Variants in METTL15 observed in about 807,000 individuals in gnomAD.
METTL15 encodes 12S rRNA N(4)-cytidine methyltransferase METTL15.
A neutral mutation model predicts 38.3 loss-of-function variants in METTL15; 34 were observed. The observed-to-expected ratio is 0.89, with a 90% CI of 0.68 to 1.18. The LOEUF is 1.18. METTL15 is among the 50% of genes most tolerant of loss of function. METTL15 has a pLI of 0.00. For missense variants in METTL15, 438 were observed against 498.4 expected, an observed-to-expected ratio of 0.88 and a Z score of 1.15; for synonymous variants, 162 against 170.9, an observed-to-expected ratio of 0.95 and a Z score of 0.41.
At chr11:28,493,934 G>A (rs1028519805) in intron 6 of METTL15, among the ~76,000 whole-genome samples, 2 of 152,202 alleles carry the variant, frequency 1.3e-5, no homozygotes, top group Non-Finnish European at 1.5e-5. Context: ...GAGAGAACTA[G>A]GACAGCCTCA....
chr11:28,118,274 C>T (rs1203007718), intron 3 of METTL15, among the ~76,000 whole-genome samples: 1 of 152,114 alleles, frequency 6.6e-6, no homozygotes, highest in Non-Finnish European at 1.5e-5. Context: ...AGCTAGTTTA[C>T]TACCTATGTA....
chr11:28,219,963 T>G (rs1853113355), intron 4 of METTL15, among the ~76,000 whole-genome samples: 1 of 152,130 alleles, frequency 6.6e-6, no homozygotes, highest in African/African-American at 2.4e-5. Flanking sequence ...CATTTGCTGA[T>G]GAGTGCTTTA....
intron 4 of METTL15, among the ~76,000 whole-genome samples, chr11:28,217,973 A>G (rs1323070903): frequency 6.6e-6 from 1 of 152,028 alleles, no homozygotes; most frequent in African/African-American, 2.4e-5. Context: ...CTTGTAGTGT[A>G]GTTTGAAGTC....
At chr11:28,194,616 A>T (rs1364066197) in intron 3 of METTL15, among the ~76,000 whole-genome samples, 1 of 152,068 alleles carries the variant, frequency 6.6e-6, no homozygotes, top group Non-Finnish European at 1.5e-5. Context: ...AATAAGGAAA[A>T]TATATCTTTG....
chr11:28,402,015 A>G (rs1253552410), intron 5 of METTL15, among the ~76,000 whole-genome samples: 1 of 152,032 alleles, frequency 6.6e-6, no homozygotes, highest in Non-Finnish European at 1.5e-5. Context: ...GTTCATGTGC[A>G]TGAAGCCTTC....
chr11:28,378,316 G>T lies in METTL15; in HGVS notation c.*358+16280G>T, dbSNP rs942383057. Among the ~76,000 whole-genome samples, 40 of 152,236 alleles carry T rather than the reference G, an allele frequency of 2.6e-4. 1 individual carries two copies. The highest frequency in any genetic ancestry group is 5.1e-4 in the Non-Finnish European group (35 of 68,050). On this transcript the variant is annotated intron_variant and NMD_transcript_variant, in intron 5 of 7. Transcript: ENST00000532947. ...TGCTAGCAATCAGCGATACTCCGTG[G>T]GGTAGGACCCTCTGAGCCAGGTGCG... is the stretch of plus-strand genomic sequence containing the variant.
intron 6 of METTL15, among the ~76,000 whole-genome samples, chr11:28,458,074 G>A (rs1473105730): frequency 6.6e-6 from 1 of 152,190 alleles, no homozygotes; most frequent in Non-Finnish European, 1.5e-5. Flanking sequence ...CTTTCATGAG[G>A]AGATGGGGTG....
chr11:28,384,722 A>G (rs1850423060), intron 5 of METTL15, among the ~76,000 whole-genome samples: 1 of 152,052 alleles, frequency 6.6e-6, no homozygotes, highest in Non-Finnish European at 1.5e-5. Context: ...TGCCACACTG[A>G]TTTCCACAAT....
chr11:28,207,907 G>A (rs192651168), intron 3 of METTL15, among the ~76,000 whole-genome samples: 103 of 152,172 alleles, frequency 6.8e-4, no homozygotes, highest in African/African-American at 2.3e-3. Flanking sequence ...AGAGGTGTTT[G>A]TAATATTCTC....
At chr11:28,486,111 A>G (rs560151277) in intron 6 of METTL15, among the ~76,000 whole-genome samples, 3 of 152,312 alleles carry the variant, frequency 2.0e-5, no homozygotes, top group African/African-American at 7.2e-5. Flanking sequence ...TGAGAAGGGG[A>G]GTATCAATTT....
chr11:28,248,876 A>G (rs1290791066), intron 4 of METTL15, among the ~76,000 whole-genome samples: 1 of 151,912 alleles, frequency 6.6e-6, no homozygotes, highest in Non-Finnish European at 1.5e-5. Context: ...CTCCCACAAA[A>G]CTCAATACCT....
At chr11:28,486,264 C>G (rs1851438662) in intron 6 of METTL15, among the ~76,000 whole-genome samples, 1 of 152,078 alleles carries the variant, frequency 6.6e-6, no homozygotes, top group African/African-American at 2.4e-5. Context: ...CCACTTCACT[C>G]ATGGGGGATG....
intron 3 of METTL15, among the ~76,000 whole-genome samples, chr11:28,194,144 C>CTTTCTTTCTTTCTTTCT: frequency 8.8e-6 from 1 of 114,174 alleles, no homozygotes; most frequent in Non-Finnish European, 1.8e-5. Flanking sequence ...TTCTTTCTTT[C>CTTTCTTTCTTTCTTTCT]TTTCTTTCTT....
intron 3 of METTL15, among the ~76,000 whole-genome samples, chr11:28,192,322 C>A (rs1425295905): frequency 2.0e-5 from 3 of 151,748 alleles, no homozygotes; most frequent in African/African-American, 7.2e-5. Flanking sequence ...TGCAACAATT[C>A]CAAAATAATA....
In METTL15 at chr11:28,199,769, T is replaced by A. The variant is rs1396721302; in HGVS notation, c.271-11293T>A. On this transcript the variant is annotated intron_variant, in intron 3 of 6. Transcript: ENST00000407364. ...ACTTTTTTTTTTTTTTGAGATGGAG[T>A]CTCGCTCTTGTCACCCAGGCTGGAG... Among the ~76,000 whole-genome samples, 3 of 148,806 alleles carry A rather than the reference T, an allele frequency of 2.0e-5. No individual in the cohort carries two copies. In the Admixed American group the frequency reaches 2.0e-4, roughly 10 times the overall value.
At chr11:28,205,938 A>C (rs1201037712) in intron 3 of METTL15, among the ~76,000 whole-genome samples, 2 of 148,536 alleles carry the variant, frequency 1.3e-5, no homozygotes, top group African/African-American at 5.1e-5. Flanking sequence ...TCCTTCGCCC[A>C]CTTTTTGATG....
intron 4 of METTL15, among the ~76,000 whole-genome samples, chr11:28,246,103 A>C (rs1854498570): frequency 6.6e-6 from 1 of 152,200 alleles, no homozygotes; most frequent in Admixed American, 6.5e-5. Context: ...AACTATATAG[A>C]AGAAATAAAG....
chr11:28,450,932 C>T (rs1163905933), intron 6 of METTL15, among the ~76,000 whole-genome samples: 2 of 152,136 alleles, frequency 1.3e-5, no homozygotes, highest in Admixed American at 6.6e-5. Flanking sequence ...GGAGGACTCT[C>T]ATCACCATTG....
intron 3 of METTL15, among the ~76,000 whole-genome samples, chr11:28,155,705 T>A (rs1471910206): frequency 6.6e-6 from 1 of 152,194 alleles, no homozygotes; most frequent in Admixed American, 6.5e-5. Context: ...GAGTTCAAAT[T>A]CTGGCTTTTT....
Sources: allele counts gnomAD v4.1 joint callset (sites outside exome capture counted in the v4.1 genomes callset), GRCh38; gene constraint gnomAD v4.1.1; transcripts MANE v1.5; gene names NCBI Gene and HGNC (gene_info 2026-07-23, HGNC 2026-07-21).